BUD13: variants seen among roughly 807,000 people sequenced by gnomAD.
BUD13 encodes the protein BUD13 homolog.
In BUD13, 47 loss-of-function variants were observed where a neutral mutation model predicts 62.5. The ratio of observed to expected loss-of-function variants is 0.75; its 90% CI spans 0.60 to 0.96. The LOEUF (loss-of-function observed/expected upper bound fraction) is 0.96. Among genes scored for constraint, BUD13 ranks in the 40% least tolerant of loss-of-function variants. The pLI, the probability that BUD13 is intolerant of heterozygous loss-of-function variation, is 0.00. For synonymous variants in BUD13, 293 were observed against 280.1 expected, an observed-to-expected ratio of 1.05 and a Z score of -0.46; for missense variants, 821 against 790.9, an observed-to-expected ratio of 1.04 and a Z score of -0.46.
Position 116,762,653 on chromosome 11 carries a change from G to A in BUD13, c.936C>T (p.Phe312=). The change falls in exon 4 of 10, where the codon TTC becomes TTT. Residue 312 remains phenylalanine (F), a synonymous_variant. Transcript: ENST00000260210. ...WKESGASHLS[F]PKNSKYEYDP... Reference sequence around the variant, plus strand: ...CATACTCATATTTGCTGTTCTTTGGGAATGACAAATGGGAGGCTCCTGACT... The same window carrying A: ...CATACTCATATTTGCTGTTCTTTGGAAATGACAAATGGGAGGCTCCTGACT... 2.5e-6 allele frequency: 4 copies of A among 1,614,172 alleles called. No individual in the cohort carries two copies. Among genetic ancestry groups the A allele is most frequent in the Non-Finnish European group, 3.4e-6 (4 of 1,180,024 alleles).
intron 9 of BUD13, among the ~76,000 whole-genome samples, chr11:116,749,218 A>G (rs999362345): frequency 1.3e-5 from 2 of 152,156 alleles, no homozygotes; most frequent in Middle Eastern, 3.2e-3. Context: ...CATTTATTGA[A>G]TTTTCATTAT....
In BUD13 at chr11:116,762,856, G is replaced by A. The variant is rs1940456303; in HGVS notation, c.733C>T (p.His245Tyr). 1 of 1,613,892 alleles carries A rather than the reference G, an allele frequency of 6.2e-7. No individual in the cohort carries two copies. Among genetic ancestry groups the A allele is most frequent in the Admixed American group, 1.7e-5 (1 of 59,996 alleles). Residue 245 changes from histidine (H) to tyrosine (Y), a missense_variant, in exon 4 of 10, where the codon CAT (histidine) becomes TAT (tyrosine). By Grantham distance (83) the His-to-Tyr change is moderately conservative. Around this residue, in one of 2 missense-constraint regions of BUD13, gnomAD observed 800 missense variants for 739.2 expected, o/e 1.08. Coordinates refer to ENST00000260210, the MANE Select transcript of BUD13 (RefSeq NM_032725.4). ...CTAGATGTGTCAGGGGAGTTGTTAT[G>A]GACCCTTCTGGGGGAAGAGATATCT... is the stretch of plus-strand genomic sequence containing the variant. ...SSDISSPRRVHNNSPDTSRRT... is the reference protein window; with the variant it reads ...SSDISSPRRVYNNSPDTSRRT...
chr11:116,772,707 C>G, intron 1 of BUD13, 115 bp downstream of exon 1: 18 of 1,341,332 alleles, frequency 1.3e-5, no homozygotes, highest in Non-Finnish European at 1.7e-5. Context: ...GAGCAGGGGT[C>G]GGCGGAGAAG....
At chr11:116,765,497 G>C in intron 2 of BUD13, 51 bp from the exon 3 acceptor site, 1 of 1,597,642 alleles carries the variant, frequency 6.3e-7, no homozygotes, top group Middle Eastern at 1.7e-4. Context: ...ATCCAGCCAA[G>C]AAGCACTGTC....
At chr11:116,770,769 T>C (rs913444222) in intron 1 of BUD13, among the ~76,000 whole-genome samples, 10 of 151,580 alleles carry the variant, frequency 6.6e-5, no homozygotes, top group African/African-American at 1.5e-4. Context: ...GCTGGGATTA[T>C]AGGCGTGAGC....
chr11:116,767,052 G>A (rs1417698105), intron 2 of BUD13, among the ~76,000 whole-genome samples: 2 of 152,056 alleles, frequency 1.3e-5, no homozygotes, highest in African/African-American at 4.8e-5. Flanking sequence ...GCTGGGCATG[G>A]TGGCAGGCGC....
rs374136726 is a variant in BUD13 at position 116,757,907 on chromosome 11, T to C, written c.1543A>G (p.Met515Val). Residue 515 changes from methionine to valine, a missense_variant, in exon 8 of 10, where the codon ATG (methionine) becomes GTG (valine). By Grantham distance (21) the Met-to-Val change is conservative. This residue lies in a region of BUD13 where 800 missense variants were observed against 739.2 expected (regional missense o/e 1.08). Coordinates refer to ENST00000260210, the MANE Select transcript of BUD13 (RefSeq NM_032725.4). ...RQQQQNVEDA[M>V]KEMQKPLARY... is the part of the protein sequence containing the mutation. Reference sequence around the variant, plus strand: ...GCCAGAGGCTTTTGCATCTCTTTCATTGCATCCTCCACATTTTGTTGCTGT... The same window carrying C: ...GCCAGAGGCTTTTGCATCTCTTTCACTGCATCCTCCACATTTTGTTGCTGT... 177 of 1,614,048 alleles carry C rather than the reference T, an allele frequency of 1.1e-4. No individual in the cohort carries two copies. The highest frequency in any genetic ancestry group is 1.4e-4 in the Non-Finnish European group (168 of 1,180,044).
At chr11:116,758,686 C>T (rs1940376385) in intron 6 of BUD13, among the ~76,000 whole-genome samples, 1 of 146,934 alleles carries the variant, frequency 6.8e-6, no homozygotes, top group South Asian at 2.2e-4. Flanking sequence ...CTCCCAGGTT[C>T]AAGCGATTCT....
At chr11:116,759,297 T>A in intron 5 of BUD13, 118 bp from the exon 6 acceptor site, 1 of 636,786 alleles carries the variant, frequency 1.6e-6, no homozygotes, top group Non-Finnish European at 2.8e-6. Flanking sequence ...CCTAAAACTC[T>A]AGCTTTATAT....
chr11:116,751,894 T>C (rs1417799559), intron 9 of BUD13, among the ~76,000 whole-genome samples: 1 of 152,178 alleles, frequency 6.6e-6, no homozygotes, highest in African/African-American at 2.4e-5. Context: ...TAATTCCAGC[T>C]TTCTCAGGGA....
chr11:116,762,451 T>C (rs1483069887), intron 4 of BUD13, 102 bp downstream of exon 4: 1 of 1,066,894 alleles, frequency 9.4e-7, no homozygotes, highest in African/African-American at 1.6e-5. Context: ...TTCAAAACTT[T>C]CCCAAAGAAA....
intron 9 of BUD13, among the ~76,000 whole-genome samples, chr11:116,755,948 C>T (rs917882099): frequency 5.9e-5 from 9 of 152,064 alleles, no homozygotes; most frequent in African/African-American, 1.7e-4. Context: ...GTGGCTCAAG[C>T]GTGTAATCCC....
intron 6 of BUD13, 39 bp downstream of exon 6, chr11:116,759,035 T>A (rs1455326363): frequency 7.1e-7 from 1 of 1,399,900 alleles, no homozygotes; most frequent in Non-Finnish European, 1.0e-6. Flanking sequence ...AAAAAAACAG[T>A]ATGAGCCTAA....
Position 116,763,394 on chromosome 11 carries a change from GCA to G in BUD13, c.323-130_323-129del, listed in dbSNP as rs1463959667. The G allele has an allele frequency of 5.1e-6, 4 of 784,898 alleles. No individual in the cohort carries two copies. In the Admixed American group the frequency reaches 1.0e-4, roughly 20 times the overall value. 48.6% of individuals were successfully genotyped at this position (784,898 alleles called of 1,614,324 possible). A position where few individuals can be genotyped will look rare whatever the true frequency, so the allele number is the denominator to read the frequency against. ...ACTGCTCAGAAAGCCCAAAAGGCCTGCACAGTTTTCTTGCTTAGGGGCAGCAA... is the reference window on the plus strand; with the variant it reads ...ACTGCTCAGAAAGCCCAAAAGGCCTGCAGTTTTCTTGCTTAGGGGCAGCAA... On this transcript the variant is annotated intron_variant, in intron 3 of 9. Coordinates refer to ENST00000260210, the MANE Select transcript of BUD13 (RefSeq NM_032725.4).
intron 1 of BUD13, 28 bp from the exon 2 acceptor site, chr11:116,770,250 A>G (rs746696055): frequency 1.3e-6 from 2 of 1,571,728 alleles, no homozygotes; most frequent in Non-Finnish European, 1.7e-6. Context: ...GATCAAAAAG[A>G]GTCATTCTAG....
At chr11:116,757,452 T>C (rs1028357146) in intron 8 of BUD13, among the ~76,000 whole-genome samples, 3 of 149,180 alleles carry the variant, frequency 2.0e-5, no homozygotes, top group Non-Finnish European at 3.0e-5. Context: ...TGCACCACCA[T>C]GACCGGCTAT....
rs1317932529 is a variant in BUD13 at position 116,757,174 on chromosome 11, G to C, written c.1738C>G (p.Pro580Ala). 6.2e-7 allele frequency: 1 copy of C among 1,614,146 alleles called. No individual in the cohort carries two copies. ...APPPNRFNIW[P>A]GYRWDGVDRS... The stretch of plus-strand genomic sequence containing the variant: ...TCCACTCCGTCCCAGCGATATCCAG[G>C]CCAGATATTAAATCTGTTGGGAGGA... The change falls in exon 9 of 10, where the codon CCT becomes GCT. Residue 580 changes from proline (P) to alanine (A), a missense_variant. Coordinates refer to ENST00000260210, the MANE Select transcript of BUD13 (RefSeq NM_032725.4).
Position 116,757,881 on chromosome 11 carries a change from G to A in BUD13, c.1569C>T (p.Ala523=), listed in dbSNP as rs148151752. 3.5e-5 allele frequency: 57 copies of A among 1,614,086 alleles called. No individual in the cohort carries two copies. The African/African-American group carries it at 6.7e-4, about 19-fold the overall frequency. ...CCAGATCTTCGTCATCAATATAGCGGGCCAGAGGCTTTTGCATCTCTTTCA... is the reference window on the plus strand; with the variant it reads ...CCAGATCTTCGTCATCAATATAGCGAGCCAGAGGCTTTTGCATCTCTTTCA... ...DAMKEMQKPL[A]RYIDDEDLDR... is the part of the protein sequence containing the mutation. The change falls in exon 8 of 10, where the codon GCC becomes GCT. Residue 523 remains alanine (A), a synonymous_variant. Coordinates refer to ENST00000260210, the MANE Select transcript of BUD13 (RefSeq NM_032725.4).
rs1167709415 is a variant in BUD13 at position 116,769,608 on chromosome 11, T to C, written c.237+521A>G. On this transcript the variant is annotated intron_variant, in intron 2 of 9. Transcript: ENST00000260210. ...AGTCCTCTCTCTGTGATCCATCTCATTTCTAGGCTGATGGACCCTCCATAA... is the reference window on the plus strand; with the variant it reads ...AGTCCTCTCTCTGTGATCCATCTCACTTCTAGGCTGATGGACCCTCCATAA... Among the ~76,000 whole-genome samples, 4 of 152,226 alleles carry C rather than the reference T, an allele frequency of 2.6e-5. No individual in the cohort carries two copies. The East Asian group carries it at 5.8e-4, about 22-fold the overall frequency.
Sources: gnomAD v4.1 joint callset for allele counts (sites outside exome capture counted in the v4.1 genomes callset) on GRCh38, gnomAD v4.1.1 for gene constraint, gnomAD v4.1.1 regional missense constraint, MANE v1.5 for transcripts, NCBI Gene and HGNC (gene_info 2026-07-23, HGNC 2026-07-21) for gene names.